RAPGEF2: variants seen among roughly 807,000 people sequenced by gnomAD.
RAPGEF2 encodes Rap guanine nucleotide exchange factor 2, also known as PDZ domain containing guanine nucleotide exchange factor (GEF) 1.
RAPGEF2 carries 54 observed loss-of-function variants against 186.7 expected under a neutral mutation model. That is an observed-to-expected ratio of 0.29 (90% CI 0.23 to 0.36). RAPGEF2 has a LOEUF of 0.36. RAPGEF2 is among the 10% of genes least tolerant of loss of function. The pLI is 1.00. For synonymous variants in RAPGEF2, 712 were observed against 705.9 expected (o/e 1.01, Z -0.14); for missense variants, 1,532 against 2,045.0 (o/e 0.75, Z 4.84).
At chr4:159,247,755 C>CTTTTTT (rs56053207) in intron 7 of RAPGEF2, among the ~76,000 whole-genome samples, 24 of 83,456 alleles carry the variant, frequency 2.9e-4, no homozygotes, top group African/African-American at 1.0e-3. Context: ...TAATTTGTTT[C>CTTTTTT]TTTTTTTTTT....
intron 7 of RAPGEF2, among the ~76,000 whole-genome samples, chr4:159,256,108 G>A (rs1419775508): frequency 6.6e-6 from 1 of 152,086 alleles, no homozygotes; most frequent in Non-Finnish European, 1.5e-5. Context: ...ACATGTGCAG[G>A]ATATACAGCT....
intron 11 of RAPGEF2, among the ~76,000 whole-genome samples, chr4:159,325,959 C>T (rs1018533728): frequency 2.0e-5 from 3 of 152,074 alleles, no homozygotes; most frequent in African/African-American, 7.2e-5. Context: ...TATATAGCTC[C>T]TAGTGTGAAG....
chr4:159,137,658 T>C (rs1184062355), intron 1 of RAPGEF2, among the ~76,000 whole-genome samples: 1 of 140,188 alleles, frequency 7.1e-6, no homozygotes, highest in Non-Finnish European at 1.5e-5. Context: ...TAGGTATTTA[T>C]ACCTGAGGTA....
intron 7 of RAPGEF2, among the ~76,000 whole-genome samples, chr4:159,253,526 A>T (rs957842205): frequency 5.9e-5 from 9 of 152,328 alleles, no homozygotes; most frequent in African/African-American, 2.2e-4. Flanking sequence ...TTTTAGTTGA[A>T]ACTTCAAATT....
At chr4:159,350,941 A>T in intron 26 of RAPGEF2, 2 of 1,204,442 alleles carry the variant, frequency 1.7e-6, no homozygotes, top group Non-Finnish European at 2.3e-6. Flanking sequence ...TCACTGACTC[A>T]ACAGGTATTG....
chr4:159,127,277 T>G (rs1032075679), intron 1 of RAPGEF2, among the ~76,000 whole-genome samples: 2 of 152,214 alleles, frequency 1.3e-5, no homozygotes, highest in African/African-American at 4.8e-5. Context: ...TCCGCCTGCC[T>G]TGGCCTCCCA....
At chr4:159,239,014 A>G (rs1366142185) in intron 5 of RAPGEF2, 130 bp downstream of exon 5, 1 of 476,192 alleles carries the variant, frequency 2.1e-6, no homozygotes, top group East Asian at 3.5e-5. Flanking sequence ...TAACAGATAT[A>G]TTTATTTCAC....
intron 8 of RAPGEF2, among the ~76,000 whole-genome samples, chr4:159,312,824 G>C (rs1163391246): frequency 1.3e-5 from 2 of 152,182 alleles, no homozygotes; most frequent in Admixed American, 1.3e-4. Context: ...TATGAACCGG[G>C]ACTTTACAAA....
chr4:159,124,880 C>T (rs868300876), intron 1 of RAPGEF2, among the ~76,000 whole-genome samples: 3 of 152,222 alleles, frequency 2.0e-5, no homozygotes, highest in South Asian at 2.1e-4. Context: ...ATAATAGATA[C>T]TATTTATTAT....
rs1740063282 is a variant in RAPGEF2 at position 159,124,458 on chromosome 4, G to C, written c.69+20227G>C. 3.3e-5 allele frequency among the ~76,000 whole-genome samples: 5 copies of C among 152,162 alleles called. No individual in the cohort carries two copies. The South Asian group carries it at 1.0e-3, about 32-fold the overall frequency. ...GGAAGCTGAGGCAGGAGAATTGCTT[G>C]AACCTGGGAGGCAGAGGTTGCAGTG... On this transcript the variant is annotated intron_variant, in intron 1 of 29. Coordinates refer to ENST00000691494, the MANE Select transcript of RAPGEF2 (RefSeq NM_001394067.2).
chr4:159,325,506 A>G (rs147003687), intron 11 of RAPGEF2, among the ~76,000 whole-genome samples: 21 of 152,156 alleles, frequency 1.4e-4, no homozygotes, highest in Middle Eastern at 6.8e-3. Flanking sequence ...CCTGTCTCCT[A>G]TTTTCTCAGT....
intron 1 of RAPGEF2, among the ~76,000 whole-genome samples, chr4:159,104,526 G>GA (rs756718888): frequency 0.19 from 21,216 of 111,046 alleles, 2,003 homozygotes; most frequent in African/African-American, 0.23. Flanking sequence ...GAGAGAGAGA[G>GA]GGAGAGACAG....
intron 1 of RAPGEF2, among the ~76,000 whole-genome samples, chr4:159,106,809 A>G (rs776065274): frequency 4.6e-5 from 7 of 152,216 alleles, no homozygotes; most frequent in African/African-American, 4.8e-5. Flanking sequence ...TCAATTGCCT[A>G]GAAGTAATCC....
intron 1 of RAPGEF2, among the ~76,000 whole-genome samples, chr4:159,110,150 A>G (rs1203810791): frequency 2.0e-5 from 3 of 152,230 alleles, no homozygotes; most frequent in Non-Finnish European, 4.4e-5. Flanking sequence ...TGGATATTTC[A>G]TAGTTCATAG....
At chr4:159,304,274 A>G (rs1034305105) in intron 7 of RAPGEF2, 68 bp from the exon 8 acceptor site, 15 of 1,405,164 alleles carry the variant, frequency 1.1e-5, no homozygotes, top group Admixed American at 4.3e-5. Flanking sequence ...TGATATTTTA[A>G]TTTTAAAATG....
chr4:159,282,738 A>T, intron 7 of RAPGEF2: 1 of 390,562 alleles, frequency 2.6e-6, no homozygotes, highest in Non-Finnish European at 5.0e-6. Context: ...ACAACTTAAT[A>T]TAGATTATAG....
At chr4:159,115,503 C>A (rs1297991720) in intron 1 of RAPGEF2, among the ~76,000 whole-genome samples, 1 of 151,600 alleles carries the variant, frequency 6.6e-6, no homozygotes, top group Non-Finnish European at 1.5e-5. Context: ...GACATTCTTC[C>A]ATGTATTCAT....
chr4:159,244,759 A>G (rs1398834624), intron 7 of RAPGEF2, among the ~76,000 whole-genome samples: 1 of 151,956 alleles, frequency 6.6e-6, no homozygotes, highest in African/African-American at 2.4e-5. Context: ...AATTTTTCGA[A>G]TTAAAATGAG....
chr4:159,355,685 T>C (rs1731872470), intron 28 of RAPGEF2, among the ~76,000 whole-genome samples, 168 bp from the exon 29 acceptor site: 4 of 152,206 alleles, frequency 2.6e-5, no homozygotes, highest in Admixed American at 2.6e-4. Flanking sequence ...TTTGGTTTAG[T>C]TAACATGCAT....
Sources: allele counts gnomAD v4.1 joint callset (sites outside exome capture counted in the v4.1 genomes callset), GRCh38; gene constraint gnomAD v4.1.1; transcripts MANE v1.5; gene names NCBI Gene and HGNC (gene_info 2026-07-23, HGNC 2026-07-21).